Variants in DDC observed in about 807,000 individuals in gnomAD.
DDC encodes aromatic-L-amino-acid decarboxylase.
In DDC, 43 loss-of-function variants were observed where a neutral mutation model predicts 60.0. The ratio of observed to expected loss-of-function variants is 0.72; its 90% CI spans 0.56 to 0.92. The LOEUF (loss-of-function observed/expected upper bound fraction) is 0.92, where lower values mean the gene tolerates loss of function less well. DDC is among the 40% of genes least tolerant of loss of function. The pLI is 0.00. For synonymous variants in DDC, 232 were observed against 234.6 expected (o/e 0.99, Z 0.10); for missense variants, 573 against 620.2 (o/e 0.92, Z 0.81).
At chr7:50,472,835 T>A (rs868292576) in intron 11 of DDC, among the ~76,000 whole-genome samples, 1 of 152,198 alleles carries the variant, frequency 6.6e-6, no homozygotes, top group African/African-American at 2.4e-5. Flanking sequence ...GGTCTGCTCA[T>A]CCTTTTCACC....
chr7:50,553,783 C>A (rs1015618077), intron 1 of DDC, among the ~76,000 whole-genome samples: 1 of 152,066 alleles, frequency 6.6e-6, no homozygotes, highest in African/African-American at 2.4e-5. Context: ...CCGTACCCAG[C>A]CTGACTTGTT....
Position 50,505,499 on chromosome 7 carries a change from C to T in DDC, c.715-1440G>A, listed in dbSNP as rs142703865. Among the ~76,000 whole-genome samples, 120 of 152,320 alleles carry T rather than the reference C, an allele frequency of 7.9e-4. 1 individual carries two copies. Among genetic ancestry groups the T allele is most frequent in the African/African-American group, 2.6e-3 (106 of 41,568 alleles). On this transcript the variant is annotated intron_variant, in intron 6 of 14. Transcript: ENST00000444124. ...GATAAAGATAGAGAGGTCAGAAACTCGTATGTGAGAACCCCAGTTCGAGAC... is the reference window on the plus strand; with the variant it reads ...GATAAAGATAGAGAGGTCAGAAACTTGTATGTGAGAACCCCAGTTCGAGAC...
chr7:50,553,185 C>T (rs1329188273), intron 1 of DDC, among the ~76,000 whole-genome samples: 1 of 152,210 alleles, frequency 6.6e-6, no homozygotes, highest in Non-Finnish European at 1.5e-5. Flanking sequence ...CATGGTACTG[C>T]CTGTTCATGC....
intron 9 of DDC, among the ~76,000 whole-genome samples, chr7:50,491,463 C>G (rs1407616497): frequency 6.6e-6 from 1 of 152,122 alleles, no homozygotes; most frequent in African/African-American, 2.4e-5. Flanking sequence ...CCAGACAAAA[C>G]CCCAAGACTA....
chr7:50,522,851 T>TA (rs1343116412), intron 6 of DDC, among the ~76,000 whole-genome samples: 3 of 152,148 alleles, frequency 2.0e-5, no homozygotes, highest in African/African-American at 7.2e-5. Flanking sequence ...TCCGGAAACT[T>TA]ACAATCATGG....
In DDC at chr7:50,463,445, AAG is replaced by A. The variant is rs1235872683; in HGVS notation, c.1243-16_1243-15del. ...TTTGTTGGAACCCTGGAGGGATTGA[AAG>A]AGAGGAACTGTGCTCAGGTCTCTGA... On this transcript the variant is annotated splice_polypyrimidine_tract_variant and intron_variant, in intron 13 of 14. Coordinates refer to ENST00000444124, the MANE Select transcript of DDC (RefSeq NM_001082971.2). 1 of 1,612,160 alleles carries A rather than the reference AAG, an allele frequency of 6.2e-7. No homozygotes were observed. The highest frequency in any genetic ancestry group is 8.5e-7 in the Non-Finnish European group (1 of 1,178,290).
intron 9 of DDC, among the ~76,000 whole-genome samples, chr7:50,494,730 C>T (rs978511330): frequency 2.0e-5 from 3 of 151,750 alleles, no homozygotes; most frequent in South Asian, 2.1e-4. Context: ...GGCATGATCT[C>T]GGCTCACTGC....
intron 6 of DDC, among the ~76,000 whole-genome samples, chr7:50,514,147 T>C (rs6592963): frequency 0.73 from 110,613 of 152,062 alleles, 40,535 homozygotes; most frequent in East Asian, 0.8. Flanking sequence ...TAGTTCACAC[T>C]GAAGGACTCT....
chr7:50,459,373 C>T (rs958941594), intron 14 of DDC, among the ~76,000 whole-genome samples: 4 of 152,212 alleles, frequency 2.6e-5, no homozygotes, highest in Admixed American at 2.0e-4. Flanking sequence ...TCTGCCCGGC[C>T]GCCACCCCGG....
chr7:50,546,640 G>A (rs1183249172), intron 1 of DDC, among the ~76,000 whole-genome samples: 1 of 152,184 alleles, frequency 6.6e-6, no homozygotes, highest in Non-Finnish European at 1.5e-5. Context: ...CCTTCCATTG[G>A]CATTCTCTCT....
chr7:50,541,855 C>A (rs1009690977), intron 2 of DDC, among the ~76,000 whole-genome samples: 2 of 152,196 alleles, frequency 1.3e-5, no homozygotes, highest in African/African-American at 2.4e-5. Flanking sequence ...GCATGAGCAA[C>A]CCCCTCTGAT....
At chr7:50,539,323 G>A (rs1563039923) in intron 3 of DDC, among the ~76,000 whole-genome samples, 1 of 152,110 alleles carries the variant, frequency 6.6e-6, no homozygotes, top group Non-Finnish European at 1.5e-5. Flanking sequence ...ATCTGTGCCT[G>A]GAGCACAGAG....
intron 7 of DDC, among the ~76,000 whole-genome samples, chr7:50,503,699 T>A (rs2043314294): frequency 6.6e-6 from 1 of 152,218 alleles, no homozygotes; most frequent in Non-Finnish European, 1.5e-5. Flanking sequence ...GAGTTTATTC[T>A]CCTCAACAGG....
chr7:50,460,023 C>T (rs1386474025), intron 14 of DDC, among the ~76,000 whole-genome samples: 2 of 146,568 alleles, frequency 1.4e-5, no homozygotes, highest in Non-Finnish European at 3.0e-5. Context: ...AGGATCCCCT[C>T]TGCCCGGCCA....
rs1248682519 is a variant in DDC, at chr7:50,492,929, A to G, written c.944+2421T>C. ...TGCGGCAGGCACTCCACGTCCCGAA[A>G]GGCTCAACTCCTTCTCACCACCGCA... On this transcript the variant is annotated intron_variant, in intron 9 of 14. Transcript: ENST00000444124. 3.1e-6 allele frequency: 5 copies of G among 1,597,660 alleles called. No homozygotes were observed. The East Asian group carries it at 1.1e-4, about 36-fold the overall frequency.
intron 4 of DDC, among the ~76,000 whole-genome samples, chr7:50,531,080 G>A (rs1458886335): frequency 1.3e-5 from 2 of 152,000 alleles, no homozygotes; most frequent in Admixed American, 6.5e-5. Flanking sequence ...TCTTAATTCA[G>A]CATCTAAAAT....
chr7:50,560,222 G>A (rs76881353), intron 1 of DDC, among the ~76,000 whole-genome samples: 263 of 152,274 alleles, frequency 1.7e-3, no homozygotes, highest in Non-Finnish European at 3.1e-3. Context: ...TTTTGGAGGG[G>A]AAACTCTGCT....
At chr7:50,464,749 G>C (rs1255241958) in intron 13 of DDC, among the ~76,000 whole-genome samples, 1 of 152,210 alleles carries the variant, frequency 6.6e-6, no homozygotes, top group East Asian at 1.9e-4. Context: ...AATGAGGATG[G>C]AGGGAGAGGG....
chr7:50,512,262 G>A (rs1055878470), intron 6 of DDC, among the ~76,000 whole-genome samples: 7 of 152,030 alleles, frequency 4.6e-5, no homozygotes, highest in Non-Finnish European at 1.0e-4. Context: ...AGACAAAGTG[G>A]ATCAAGAAAA....
Sources: allele counts gnomAD v4.1 joint callset (sites outside exome capture counted in the v4.1 genomes callset), GRCh38; gene constraint gnomAD v4.1.1; transcripts MANE v1.5; gene names NCBI Gene and HGNC (gene_info 2026-07-23, HGNC 2026-07-21).